ATP9A: variants seen among roughly 807,000 people sequenced by gnomAD.
The protein encoded by ATP9A is ATPase phospholipid transporting 9A.
In ATP9A, 52 loss-of-function variants were observed where a neutral mutation model predicts 144.1. That is an observed-to-expected ratio of 0.36 (90% confidence interval 0.29 to 0.45). The LOEUF (loss-of-function observed/expected upper bound fraction) is 0.45, where lower values mean the gene tolerates loss of function less well. ATP9A is among the 20% of genes least tolerant of loss of function. ATP9A has a pLI of 1.00. For missense variants in ATP9A, 947 were observed against 1,392.7 expected (o/e 0.68, Z 5.09); for synonymous variants, 582 against 557.4 (o/e 1.04, Z -0.62).
At chr20:51,739,567 G>C (rs2077776527) in intron 1 of ATP9A, among the ~76,000 whole-genome samples, 1 of 151,790 alleles carries the variant, frequency 6.6e-6, no homozygotes, top group African/African-American at 2.4e-5. Flanking sequence ...TGTTAGCCAG[G>C]ATGGTCTCGA....
rs761244314 is a variant in ATP9A, at chr20:51,618,993, C to T, written c.2166G>A (p.Lys722=). ...CCGAGATGACCAGGGCACAATCATG[C>T]TTCCTGCGGAAGGCGTTCAGCTCGA... ...AHLELNAFRR[K]HDCALVISGD... is the part of the protein sequence containing the mutation. The change falls in exon 20 of 28, where the codon AAG becomes AAA. Residue 722 remains lysine (K), a synonymous_variant. Transcript: ENST00000338821. 6.2e-7 allele frequency: 1 copy of T among 1,614,056 alleles called. No individual in the cohort carries two copies. Among genetic ancestry groups the T allele is most frequent in the African/African-American group, 1.3e-5 (1 of 74,918 alleles).
chr20:51,765,947 C>G (rs1268874249), intron 1 of ATP9A, among the ~76,000 whole-genome samples: 1 of 152,004 alleles, frequency 6.6e-6, no homozygotes, highest in Admixed American at 6.6e-5. Context: ...AGTGAAACTA[C>G]ATCGTCTCAA....
chr20:51,761,499 C>A (rs1047965291), intron 1 of ATP9A, among the ~76,000 whole-genome samples: 1 of 152,112 alleles, frequency 6.6e-6, no homozygotes, highest in East Asian at 1.9e-4. Flanking sequence ...CCGTGGCTCA[C>A]GGCTGTAATC....
intron 1 of ATP9A, among the ~76,000 whole-genome samples, chr20:51,737,702 T>C (rs1390250202): frequency 2.6e-5 from 4 of 152,218 alleles, no homozygotes; most frequent in Non-Finnish European, 5.9e-5. Context: ...GAACATGTAT[T>C]ACACTTTTCA....
chr20:51,692,994 C>T (rs893436275), intron 7 of ATP9A, among the ~76,000 whole-genome samples: 4 of 152,168 alleles, frequency 2.6e-5, no homozygotes, highest in African/African-American at 4.8e-5. Flanking sequence ...ATCCATGTGA[C>T]GTGAGCACAG....
In ATP9A at chr20:51,722,861, C is replaced by T. The variant is rs147094374; in HGVS notation, c.327+2958G>A. On this transcript the variant is annotated intron_variant, in intron 3 of 27. Coordinates refer to ENST00000338821, the MANE Select transcript of ATP9A (RefSeq NM_006045.3). ...GGGTTCTACCCTGAGGAAAAGAAGTCATTATACGAAAAAGATACTTGCACA... is the reference window on the plus strand; with the variant it reads ...GGGTTCTACCCTGAGGAAAAGAAGTTATTATACGAAAAAGATACTTGCACA... 4.6e-5 allele frequency among the ~76,000 whole-genome samples: 7 copies of T among 152,254 alleles called. No homozygotes were observed. The East Asian group carries it at 1.4e-3, about 29-fold the overall frequency.
intron 9 of ATP9A, among the ~76,000 whole-genome samples, chr20:51,684,539 A>G (rs1483904496): frequency 2.0e-5 from 3 of 150,650 alleles, no homozygotes; most frequent in Non-Finnish European, 4.4e-5. Flanking sequence ...TACTAAAAAT[A>G]CAAAAAATTA....
rs374858844 is a variant in ATP9A at position 51,643,021 on chromosome 20, T to C, written c.1507-3517A>G. On this transcript the variant is annotated intron_variant, in intron 14 of 27. Transcript: ENST00000338821. ...AGATCTTGGAGTAGATGACTATTTC[T>C]CATTTCTGCTCCAGCTCTGAAAATG... Among the ~76,000 whole-genome samples the C allele has an allele frequency of 1.1e-4, 17 of 152,310 alleles. 2 individuals carry two copies. The highest frequency in any genetic ancestry group is 3.9e-4 in the East Asian group (2 of 5,184).
At chr20:51,756,239 C>T (rs111392890) in intron 1 of ATP9A, among the ~76,000 whole-genome samples, 3,652 of 151,650 alleles carry the variant, frequency 0.024, 62 homozygotes, top group Non-Finnish European at 0.038. Context: ...CCACCTTCCC[C>T]CTGTGTCCTC....
intron 15 of ATP9A, among the ~76,000 whole-genome samples, chr20:51,629,726 C>G (rs2077263203): frequency 1.3e-5 from 2 of 152,228 alleles, no homozygotes; most frequent in African/African-American, 4.8e-5. Flanking sequence ...TCAGTTCACC[C>G]TAACCAGATT....
At chr20:51,625,773 A>G (rs1290515821) in intron 17 of ATP9A, among the ~76,000 whole-genome samples, 1 of 152,362 alleles carries the variant, frequency 6.6e-6, no homozygotes, top group South Asian at 2.1e-4. Flanking sequence ...GGTTTTCTAA[A>G]GACCAAGTCG....
intron 1 of ATP9A, among the ~76,000 whole-genome samples, chr20:51,741,590 T>TAAA (rs1212762701): frequency 2.6e-5 from 4 of 151,720 alleles, no homozygotes; most frequent in Non-Finnish European, 5.9e-5. Context: ...AAAATAAAAA[T>TAAA]AAAAATAAAA....
chr20:51,622,815 T>C (rs1178639392), intron 18 of ATP9A, among the ~76,000 whole-genome samples: 1 of 152,170 alleles, frequency 6.6e-6, no homozygotes, highest in Admixed American at 6.5e-5. Context: ...TGCTCTGTGA[T>C]TTTACCTCAT....
intron 4 of ATP9A, among the ~76,000 whole-genome samples, chr20:51,704,909 G>A (rs1486608746): frequency 6.6e-6 from 1 of 152,216 alleles, no homozygotes; most frequent in Non-Finnish European, 1.5e-5. Flanking sequence ...TCAGACAAGG[G>A]AAATTTGGGA....
chr20:51,722,705 G>A (rs1051925246), intron 3 of ATP9A, among the ~76,000 whole-genome samples: 2 of 152,178 alleles, frequency 1.3e-5, no homozygotes, highest in African/African-American at 4.8e-5. Flanking sequence ...AGATGTTGGC[G>A]TGTATGCAGT....
At chr20:51,763,530 G>C (rs940199690) in intron 1 of ATP9A, among the ~76,000 whole-genome samples, 1 of 151,768 alleles carries the variant, frequency 6.6e-6, no homozygotes, top group Non-Finnish European at 1.5e-5. Flanking sequence ...AGCCAGGATG[G>C]TCTGGATCTC....
intron 9 of ATP9A, among the ~76,000 whole-genome samples, chr20:51,687,176 G>A (rs1279182302): frequency 6.6e-6 from 1 of 151,352 alleles, no homozygotes; most frequent in East Asian, 1.9e-4. Flanking sequence ...ACGTCTGCAT[G>A]CTGCGTCCCC....
chr20:51,738,028 CA>C (rs1216465509), intron 1 of ATP9A, among the ~76,000 whole-genome samples: 4 of 147,438 alleles, frequency 2.7e-5, no homozygotes, highest in African/African-American at 1.0e-4. Context: ...GCCTCTAAAA[CA>C]TTTTTTTTTT....
intron 3 of ATP9A, among the ~76,000 whole-genome samples, chr20:51,720,795 T>C (rs1442936968): frequency 3.3e-5 from 5 of 151,904 alleles, no homozygotes; most frequent in South Asian, 2.1e-4. Context: ...TATCGCGCCA[T>C]TGCACTCCAA....
Sources: allele counts gnomAD v4.1 joint callset (sites outside exome capture counted in the v4.1 genomes callset), GRCh38; gene constraint gnomAD v4.1.1; transcripts MANE v1.5; gene names NCBI Gene and HGNC (gene_info 2026-07-23, HGNC 2026-07-21).